The following EFCAB8 variants were observed in gnomAD, a reference collection of about 807,000 sequenced individuals.
EFCAB8 encodes the protein EF-hand calcium binding domain 8.
Under a neutral mutation model 116.3 loss-of-function variants are expected in EFCAB8, and 100 were observed. That is an observed-to-expected ratio of 0.86 (90% CI 0.73 to 1.02). The LOEUF (loss-of-function observed/expected upper bound fraction) is 1.02. Ranked by LOEUF, EFCAB8 falls within the 50% of genes least tolerant of loss-of-function variation. The pLI is 0.00. For missense variants in EFCAB8, 1,320 were observed against 1,416.9 expected, an observed-to-expected ratio of 0.93 and a Z score of 1.10; for synonymous variants, 558 against 567.9, an observed-to-expected ratio of 0.98 and a Z score of 0.25.
intron 6 of EFCAB8, among the ~76,000 whole-genome samples, chr20:32,886,294 G>A (rs1985627050): frequency 6.6e-6 from 1 of 152,132 alleles, no homozygotes; most frequent in African/African-American, 2.4e-5. Context: ...AGTCCCTGCT[G>A]GATATATTGT....
rs76814865 is a variant in EFCAB8 at position 32,955,673 on chromosome 20, G to A, written c.2960-2748G>A. Among the ~76,000 whole-genome samples the A allele has an allele frequency of 2.9e-3, 437 of 152,280 alleles. 1 individual carries two copies. The highest frequency in any genetic ancestry group is 0.01 in the African/African-American group (416 of 41,564). On this transcript the variant is annotated intron_variant, in intron 23 of 26. Transcript: ENST00000400522. ...AAGAAGGGCTTGAGAAGGGGGCTGG[G>A]AGCCTTCCCCACCTCCAAACAGCAA...
intron 20 of EFCAB8, among the ~76,000 whole-genome samples, chr20:32,922,197 C>G (rs1198879241): frequency 6.6e-6 from 1 of 152,196 alleles, no homozygotes; most frequent in Admixed American, 6.5e-5. Flanking sequence ...GAAGCTGGTC[C>G]TCTATGAATA....
intron 23 of EFCAB8, among the ~76,000 whole-genome samples, 199 bp from the exon 24 acceptor site, chr20:32,958,222 G>T (rs1989032891): frequency 6.6e-6 from 1 of 152,126 alleles, no homozygotes; most frequent in African/African-American, 2.4e-5. Context: ...GTGTCCTAGG[G>T]CTTCTGTCTG....
intron 26 of EFCAB8, among the ~76,000 whole-genome samples, chr20:32,960,807 T>G (rs564948124): frequency 2.1e-4 from 32 of 152,342 alleles, no homozygotes; most frequent in African/African-American, 6.0e-4. Context: ...TGAGATGGAT[T>G]GCTCCAAGGA....
rs71190881 is a variant in EFCAB8 at position 32,860,493 on chromosome 20, C to CTTTT, written c.-11+1515_-11+1518dup. 5.8e-3 allele frequency among the ~76,000 whole-genome samples: 486 copies of CTTTT among 83,954 alleles called. 67 individuals carry two copies. Among genetic ancestry groups the CTTTT allele is most frequent in the African/African-American group, 0.033 (418 of 12,770 alleles). The allele number at this position is 83,954 out of a possible 152,430, so 55.1% of individuals were successfully genotyped here. ...TTTGTTCCATCGCTGATGGTGGTAA[C>CTTTT]TTTTTTTTTTTTTTTTTTTTTTTTT... On this transcript the variant is annotated intron_variant, in intron 1 of 26. Coordinates refer to ENST00000400522, the MANE Select transcript of EFCAB8 (RefSeq NM_001143967.2).
rs976011422 is a variant in EFCAB8, at chr20:32,958,555, G to A, written c.3089+5G>A. ...GGTCTTACATCTGGAGCTGCAGTGAGTGAGCACAGCCTGCTTGATCTTCTC... is the reference window on the plus strand; with the variant it reads ...GGTCTTACATCTGGAGCTGCAGTGAATGAGCACAGCCTGCTTGATCTTCTC... On this transcript the variant is annotated splice_donor_5th_base_variant and intron_variant, in intron 24 of 26. Transcript: ENST00000400522. The A allele has an allele frequency of 4.8e-6, 2 of 415,746 alleles. No individual in the cohort carries two copies. The highest frequency in any genetic ancestry group is 8.8e-5 in the Admixed American group (2 of 22,722). 25.8% of individuals were successfully genotyped at this position (415,746 alleles called of 1,614,324 possible).
chr20:32,879,146 G>T (rs1413817865), intron 5 of EFCAB8, among the ~76,000 whole-genome samples: 1 of 152,202 alleles, frequency 6.6e-6, no homozygotes, highest in Non-Finnish European at 1.5e-5. Context: ...CCTGCTTCCT[G>T]TGCTAGTTGG....
At chr20:32,931,891 T>G (rs943108114) in intron 22 of EFCAB8, among the ~76,000 whole-genome samples, 2 of 152,204 alleles carry the variant, frequency 1.3e-5, no homozygotes, top group Non-Finnish European at 2.9e-5. Context: ...ATTTACTCAC[T>G]ACAAAATGGA....
At chr20:32,957,332 C>A (rs544054938) in intron 23 of EFCAB8, among the ~76,000 whole-genome samples, 4 of 131,150 alleles carry the variant, frequency 3.0e-5, no homozygotes, top group East Asian at 3.9e-4. Flanking sequence ...AAAAAAAAAC[C>A]CAAAACTTTT....
At position 32,920,324 on chromosome 20, in the gene EFCAB8, T is replaced by C. The variant is rs567183498; in HGVS notation, c.2412+109T>C. ...CTGGGCTCGGGGCCCGGCCTGATTC[T>C]CCCCAGTGCCCGGAAGGCATCTTGG... On this transcript the variant is annotated intron_variant, in intron 20 of 26. Transcript: ENST00000400522. 4.4e-5 allele frequency: 62 copies of C among 1,419,504 alleles called. 1 individual carries two copies. The South Asian group carries it at 7.2e-4, about 16-fold the overall frequency. 87.9% of individuals were successfully genotyped at this position (1,419,504 alleles called of 1,614,324 possible).
At chr20:32,929,599 C>T (rs1987815124) in intron 20 of EFCAB8, among the ~76,000 whole-genome samples, 1 of 151,288 alleles carries the variant, frequency 6.6e-6, no homozygotes, top group South Asian at 2.1e-4. Context: ...GCCTCGGCCT[C>T]CCAAAGTGCT....
chr20:32,930,310 G>A (rs1987845287), intron 20 of EFCAB8, 88 bp from the exon 21 acceptor site: 2 of 1,110,248 alleles, frequency 1.8e-6, no homozygotes, highest in Admixed American at 2.4e-5. Context: ...TGGGGGACCA[G>A]GTGGGTGTGG....
At chr20:32,875,496 A>G (rs1218095320) in intron 3 of EFCAB8, among the ~76,000 whole-genome samples, 6 of 82,102 alleles carry the variant, frequency 7.3e-5, no homozygotes, top group African/African-American at 1.7e-4. Context: ...CCTGGTAAAC[A>G]TGGTGGTTTT....
At chr20:32,912,428 G>GT in intron 16 of EFCAB8, among the ~76,000 whole-genome samples, 1 of 84,478 alleles carries the variant, frequency 1.2e-5, no homozygotes, top group Admixed American at 1.2e-4. Flanking sequence ...GTGAAACTCT[G>GT]TCAAAAAAAA....
chr20:32,937,580 A>T (rs1988169425), intron 22 of EFCAB8, among the ~76,000 whole-genome samples: 1 of 152,210 alleles, frequency 6.6e-6, no homozygotes, highest in Admixed American at 6.5e-5. Context: ...GTACACATTC[A>T]GATGGTTTCA....
rs569119741 is a variant in EFCAB8 at position 32,907,468 on chromosome 20, TGG to T, written c.1308+476_1308+477del. 2.0e-3 allele frequency among the ~76,000 whole-genome samples: 308 copies of T among 152,182 alleles called. 1 individual carries two copies. The highest frequency in any genetic ancestry group is 7.3e-3 in the East Asian group (38 of 5,172). ...TTTCCCACATGCCAGGGCTCCCACTTGGGACCCGCCACTGTGCTCCTCTGCAG... is the reference window on the plus strand; with the variant it reads ...TTTCCCACATGCCAGGGCTCCCACTTGACCCGCCACTGTGCTCCTCTGCAG... On this transcript the variant is annotated intron_variant, in intron 13 of 26. Coordinates refer to ENST00000400522, the MANE Select transcript of EFCAB8 (RefSeq NM_001143967.2).
chr20:32,897,555 A>G (rs991214622), intron 10 of EFCAB8, among the ~76,000 whole-genome samples: 1 of 148,870 alleles, frequency 6.7e-6, no homozygotes, highest in Admixed American at 6.8e-5. Context: ...TGATCCTCCC[A>G]CCTCAGGCCC....
intron 3 of EFCAB8, among the ~76,000 whole-genome samples, chr20:32,874,154 C>T (rs1415240863): frequency 6.6e-6 from 1 of 151,126 alleles, no homozygotes; most frequent in African/African-American, 2.5e-5. Context: ...CTCCTGGGCT[C>T]AAGCCTTCTG....
intron 22 of EFCAB8, among the ~76,000 whole-genome samples, chr20:32,939,181 TTC>T (rs1988285481): frequency 2.7e-5 from 3 of 110,154 alleles, no homozygotes; most frequent in African/African-American, 7.1e-5. Context: ...CTTTCTTTCT[TTC>T]TTTCTTTCTT....
Sources: gnomAD v4.1 joint callset for allele counts (sites outside exome capture counted in the v4.1 genomes callset) on GRCh38, gnomAD v4.1.1 for gene constraint, MANE v1.5 for transcripts, NCBI Gene and HGNC (gene_info 2026-07-23, HGNC 2026-07-21) for gene names.